Variants in FAT4 observed in about 807,000 individuals in gnomAD.
The protein encoded by FAT4 is FAT atypical cadherin 4, also known as protocadherin Fat 4.
In FAT4, 84 loss-of-function variants were observed where a neutral mutation model predicts 303.9. The observed-to-expected ratio is 0.28, with a 90% CI of 0.23 to 0.33. The LOEUF (loss-of-function observed/expected upper bound fraction) is 0.33. FAT4 is among the 10% of genes least tolerant of loss of function. FAT4 has a pLI of 1.00. For missense variants in FAT4, 6,005 were observed against 6,146.8 expected, an observed-to-expected ratio of 0.98 and a Z score of 0.77; for synonymous variants, 2,307 against 2,298.8, an observed-to-expected ratio of 1.00 and a Z score of -0.10.
intron 2 of FAT4, among the ~76,000 whole-genome samples, chr4:125,372,530 C>A (rs1733158088): frequency 1.3e-5 from 2 of 151,984 alleles, no homozygotes; most frequent in South Asian, 4.1e-4. Flanking sequence ...GTGATAGGAA[C>A]TATTAACTAC....
Position 125,452,242 on chromosome 4 carries a change from A to C in FAT4, c.11232A>C (p.Thr3744=). The change falls in exon 10 of 18, where the codon ACA becomes ACC. Residue 3744 remains threonine, a synonymous_variant. Transcript: ENST00000394329. ...HFLRIASSQL[T]GLGTAVQLYS... is the part of the protein sequence containing the mutation. ...TACGCATTGCCAGCTCACAGCTGAC[A>C]GGCTTAGGGACTGCTGTGCAACTGT... 6.2e-7 allele frequency: 1 copy of C among 1,614,244 alleles called. No homozygotes were observed. Among genetic ancestry groups the C allele is most frequent in the Non-Finnish European group, 8.5e-7 (1 of 1,180,038 alleles).
Position 125,490,736 on chromosome 4 carries a change from C to T in FAT4, c.13920C>T (p.His4640=), listed in dbSNP as rs1560640086. The T allele has an allele frequency of 6.2e-7, 1 of 1,614,150 alleles. No individual in the cohort carries two copies. The highest frequency in any genetic ancestry group is 1.7e-5 in the Admixed American group (1 of 60,026). Residue 4640 remains histidine (H), a synonymous_variant, in exon 18 of 18, where the codon CAC becomes CAT. Transcript: ENST00000394329. The stretch of plus-strand genomic sequence containing the variant: ...CTTCGGATGCAGACATCATTCAACA[C>T]TACAAGCAGTTCCGCAGCCACACAC... ...IAPSDADIIQ[H]YKQFRSHTPK...
chr4:125,448,875 A>C lies in FAT4; in HGVS notation c.7865A>C (p.Gln2622Pro). ...NTFQIDQLTG[Q>P]VSISQPLDFE... ...TTCCAGATTGATCAGTTAACAGGGC[A>C]GGTGTCTATTAGTCAACCTCTGGAT... Residue 2622 changes from glutamine (Q) to proline (P), a missense_variant, in exon 10 of 18, where the codon CAG (glutamine) becomes CCG (proline). By Grantham distance (76) the Gln-to-Pro change is moderately conservative (BLOSUM62 -1). Transcript: ENST00000394329. The C allele has an allele frequency of 6.2e-7, 1 of 1,609,308 alleles. No individual in the cohort carries two copies. Among genetic ancestry groups the C allele is most frequent in the Non-Finnish European group, 8.5e-7 (1 of 1,179,054 alleles).
chr4:125,481,565 T>C lies in FAT4; in HGVS notation c.12649T>C (p.Leu4217=). The C allele has an allele frequency of 6.2e-7, 1 of 1,614,068 alleles. No homozygotes were observed. Among genetic ancestry groups the C allele is most frequent in the Non-Finnish European group, 8.5e-7 (1 of 1,179,930 alleles). ...CTTATCATTAGAAGGCAAAGGGCGC[T>C]TGGACTACCACATGAGTCAGAATGA... ...TALSLEGKGR[L]DYHMSQNEKR... The change falls in exon 16 of 18, where the codon TTG becomes CTG. Residue 4217 remains leucine (L), a synonymous_variant. Transcript: ENST00000394329.
rs1409573278 is a variant in FAT4 at position 125,450,445 on chromosome 4, A to C, written c.9435A>C (p.Thr3145=). The C allele has an allele frequency of 3.1e-6, 5 of 1,613,994 alleles. No individual in the cohort carries two copies. Among genetic ancestry groups the C allele is most frequent in the Non-Finnish European group, 2.5e-6 (3 of 1,180,012 alleles). ...GCATTTTTGCAATCAATTCTTCTACAGGTATATTAACACTAGCCAAAGCTC... is the reference window on the plus strand; with the variant it reads ...GCATTTTTGCAATCAATTCTTCTACCGGTATATTAACACTAGCCAAAGCTC... ...EEGIFAINSS[T]GILTLAKALD... Residue 3145 remains threonine, a synonymous_variant, in exon 10 of 18, where the codon ACA becomes ACC. Coordinates refer to ENST00000394329, the MANE Select transcript of FAT4 (RefSeq NM_001291303.3).
At chr4:125,339,031 C>CTG (rs1731675318) in intron 2 of FAT4, among the ~76,000 whole-genome samples, 1 of 152,120 alleles carries the variant, frequency 6.6e-6, no homozygotes, top group Non-Finnish European at 1.5e-5. Flanking sequence ...CAGGTCCATT[C>CTG]TGTGCTGTTA....
rs761776600 is a variant in FAT4, at chr4:125,321,219, C to G, written c.4808C>G (p.Ala1603Gly). The change falls in exon 2 of 18, where the codon GCA becomes GGA. Residue 1603 changes from alanine to glycine, a missense_variant. Physicochemically the swap from Ala to Gly is moderately conservative, Grantham distance 60. Coordinates refer to ENST00000394329, the MANE Select transcript of FAT4 (RefSeq NM_001291303.3). ...SQLIYNLIVS[A>G]TDLGPERRKS... ...TTGATCTACAATCTCATAGTTTCAG[C>G]AACAGACCTTGGGCCTGAAAGGAGG... is the stretch of plus-strand genomic sequence containing the variant. 4 of 1,614,146 alleles carry G rather than the reference C, an allele frequency of 2.5e-6. No homozygotes were observed. Among genetic ancestry groups the G allele is most frequent in the Non-Finnish European group, 3.4e-6 (4 of 1,180,008 alleles).
intron 7 of FAT4, among the ~76,000 whole-genome samples, chr4:125,421,189 C>T (rs896110567): frequency 2.0e-5 from 3 of 152,168 alleles, no homozygotes; most frequent in Non-Finnish European, 4.4e-5. Flanking sequence ...TCCCAAAGTG[C>T]TAGGCGTGAG....
At chr4:125,386,324 C>G (rs1469028998) in intron 2 of FAT4, among the ~76,000 whole-genome samples, 1 of 152,186 alleles carries the variant, frequency 6.6e-6, no homozygotes, top group African/African-American at 2.4e-5. Context: ...GTTGCCCAGG[C>G]TTGAGTGCAG....
chr4:125,394,528 C>T (rs1301950999), intron 2 of FAT4, among the ~76,000 whole-genome samples: 1 of 152,012 alleles, frequency 6.6e-6, no homozygotes, highest in African/African-American at 2.4e-5. Context: ...AGCTAAACCA[C>T]TAATAACAAC....
chr4:125,327,740 C>A lies in FAT4; in HGVS notation c.5175+6154C>A, dbSNP rs934477190. 3.3e-5 allele frequency among the ~76,000 whole-genome samples: 5 copies of A among 152,208 alleles called. No homozygotes were observed. The South Asian group carries it at 8.3e-4, about 25-fold the overall frequency. ...ATTACTTTTTTATCTTTATTAAAAC[C>A]CTAATGATTTTAATTCTTTTTTGTT... On this transcript the variant is annotated intron_variant, in intron 2 of 17. Transcript: ENST00000394329.
Position 125,408,371 on chromosome 4 carries a change from C to G in FAT4, c.5570-73C>G, listed in dbSNP as rs10518464. The G allele has an allele frequency of 0.14, 133,414 of 957,200 alleles. 10,131 individuals carry two copies. The highest frequency in any genetic ancestry group is 0.19 in the Middle Eastern group (859 of 4,452). 59.3% of individuals were successfully genotyped at this position (957,200 alleles called of 1,614,324 possible). ...TTACTGTACAAATACATTTTTTGGT[C>G]TCTTTCTATATGTTCTCTTAGTAAT... On this transcript the variant is annotated intron_variant, in intron 4 of 17. Coordinates refer to ENST00000394329, the MANE Select transcript of FAT4 (RefSeq NM_001291303.3).
At chr4:125,392,980 ACT>A (rs929020960) in intron 2 of FAT4, among the ~76,000 whole-genome samples, 3 of 152,072 alleles carry the variant, frequency 2.0e-5, no homozygotes, top group Non-Finnish European at 2.9e-5. Flanking sequence ...CTTAATTTTG[ACT>A]CTCTGTAAAA....
At chr4:125,432,126 G>A (rs1725303402) in intron 7 of FAT4, among the ~76,000 whole-genome samples, 1 of 152,104 alleles carries the variant, frequency 6.6e-6, no homozygotes, top group African/African-American at 2.4e-5. Context: ...TTCACCTCCT[G>A]CCTGGTGCTC....
intron 2 of FAT4, among the ~76,000 whole-genome samples, chr4:125,359,850 G>C (rs973389282): frequency 6.6e-6 from 1 of 152,100 alleles, no homozygotes; most frequent in African/African-American, 2.4e-5. Flanking sequence ...TTTCTTGCCT[G>C]TTTAAATTTC....
At chr4:125,372,355 C>A (rs1324126561) in intron 2 of FAT4, among the ~76,000 whole-genome samples, 1 of 143,164 alleles carries the variant, frequency 7.0e-6, no homozygotes, top group Non-Finnish European at 1.5e-5. Context: ...TAGAGTGAGA[C>A]CCTGTTTCAA....
rs1727673163 is a variant in FAT4 at position 125,492,079 on chromosome 4, A to C, written c.*311A>C. On this transcript the variant is annotated 3_prime_UTR_variant, in exon 18 of 18. Coordinates refer to ENST00000394329, the MANE Select transcript of FAT4 (RefSeq NM_001291303.3). ...GTGATTTTTAAAAATTGATACCTTT[A>C]CCATTGCAGAAAAGAACTTGTGCTT... 3.6e-6 allele frequency: 1 copy of C among 277,010 alleles called. No homozygotes were observed. Among genetic ancestry groups the C allele is most frequent in the Non-Finnish European group, 6.8e-6 (1 of 147,506 alleles). The allele number at this position is 277,010 out of a possible 1,614,324, so 17.2% of individuals were successfully genotyped here. A position where few individuals can be genotyped will look rare whatever the true frequency, so the allele number is the denominator to read the frequency against.
rs546440163 is a variant in FAT4, at chr4:125,395,537, G to A, written c.5176-3247G>A. Among the ~76,000 whole-genome samples the A allele has an allele frequency of 2.6e-5, 4 of 152,130 alleles. No individual in the cohort carries two copies. In the South Asian group the frequency reaches 8.3e-4, roughly 32 times the overall value. On this transcript the variant is annotated intron_variant, in intron 2 of 17. Transcript: ENST00000394329. ...GTTGGCCAGGCTGGTATTGAACTCA[G>A]GCTTGTCCTGACCTCAGGTGATTCC... is the stretch of plus-strand genomic sequence containing the variant.
chr4:125,391,784 G>T (rs1733987479), intron 2 of FAT4, among the ~76,000 whole-genome samples: 1 of 152,062 alleles, frequency 6.6e-6, no homozygotes. Flanking sequence ...GAAATCAATA[G>T]GTTTGAATTG....
Sources: allele counts gnomAD v4.1 joint callset (sites outside exome capture counted in the v4.1 genomes callset), GRCh38; gene constraint gnomAD v4.1.1; transcripts MANE v1.5; gene names NCBI Gene and HGNC (gene_info 2026-07-23, HGNC 2026-07-21).